HELZ2: variants seen among roughly 807,000 people sequenced by gnomAD.
HELZ2 encodes helicase with zinc finger 2.
In HELZ2, 143 loss-of-function variants were observed where a neutral mutation model predicts 208.8. The ratio of observed to expected loss-of-function variants is 0.68; its 90% CI spans 0.60 to 0.79. HELZ2 has a LOEUF of 0.79. Among genes scored for constraint, HELZ2 ranks in the 30% least tolerant of loss-of-function variants. The pLI, the probability that HELZ2 is intolerant of heterozygous loss-of-function variation, is 0.00. For synonymous variants in HELZ2, 1,705 were observed against 1,693.7 expected, an observed-to-expected ratio of 1.01 and a Z score of -0.16; for missense variants, 3,690 against 3,794.5, an observed-to-expected ratio of 0.97 and a Z score of 0.72.
chr20:63,569,453 C>G (rs373885048), exon 4 of HELZ2: 1 of 1,609,658 alleles, frequency 6.2e-7, no homozygotes, highest in East Asian at 2.2e-5. Context: ...GTAGCAGCAC[C>G]GGCCGGCGGC....
chr20:63,568,484 C>A (rs145394401), exon 5 of HELZ2: 123 of 1,589,504 alleles, frequency 7.7e-5, no homozygotes, highest in Admixed American at 9.1e-5. Context: ...GGGGACACGC[C>A]TCCCATCCCC....
Position 63,562,159 on chromosome 20 carries a change from C to T in HELZ2, c.6442G>A (p.Gly2148Arg), listed in dbSNP as rs373065768. ...CTGGGGTTCAGCTTGTGGCGGCCTC[C>T]GGGGATGTTGTAGGTCTGCCGCTCC... Residue 2148 changes from glycine (G) to arginine (R), a missense_variant, in exon 10 of 19, where the codon GGA (glycine) becomes AGA (arginine). Physicochemically the swap from Gly to Arg is moderately radical, Grantham distance 125. Transcript: ENST00000467148. 27 of 1,611,738 alleles carry T rather than the reference C, an allele frequency of 1.7e-5. No individual in the cohort carries two copies. Among genetic ancestry groups the T allele is most frequent in the Non-Finnish European group, 1.8e-5 (21 of 1,179,734 alleles).
chr20:63,568,993 G>T lies in HELZ2; in HGVS notation c.1095C>A (p.Thr365=), dbSNP rs766958871. 41 of 1,601,508 alleles carry T rather than the reference G, an allele frequency of 2.6e-5. 2 individuals are homozygous for T. The South Asian group carries it at 4.1e-4, about 16-fold the overall frequency. Residue 365 remains threonine, a synonymous_variant, in exon 5 of 19, where the codon ACC becomes ACA. Coordinates refer to ENST00000467148, the Ensembl canonical transcript of HELZ2. ...TCTTCAGGAACACCTGGCCCCGCAG[G>T]GTCAGCCTGGCAGGATGGCCTGGGT... is the stretch of plus-strand genomic sequence containing the variant.
In HELZ2 at chr20:63,565,247, A is replaced by C. The variant is rs201951872; in HGVS notation, c.3575T>G (p.Leu1192Arg). 112 of 1,607,836 alleles carry C rather than the reference A, an allele frequency of 7.0e-5. No homozygotes were observed. In the East Asian group the frequency reaches 2.4e-3, roughly 34 times the overall value. Residue 1192 changes from leucine to arginine, a missense_variant, in exon 8 of 19, where the codon CTG (leucine) becomes CGG (arginine). Transcript: ENST00000467148. ...GTGCCTCTTCCTCTTCAGCACGCCC[A>C]GCACGCGGCCCCGAAGCCGCCCCTC...
At chr20:63,572,446 C>T (rs1191856067) in exon 1 of HELZ2, 1 of 1,430,094 alleles carries the variant, frequency 7.0e-7, no homozygotes, top group Non-Finnish European at 9.2e-7. Context: ...GCTGCCCACG[C>T]CCCACAAACC....
Position 63,561,276 on chromosome 20 carries a change from T to G in HELZ2, c.6954-2A>C. On this transcript the variant is annotated splice_acceptor_variant, in intron 13 of 18. Coordinates refer to ENST00000467148, the Ensembl canonical transcript of HELZ2. LOFTEE classifies it high-confidence loss of function. The stretch of plus-strand genomic sequence containing the variant: ...GCCTCCCACAAGACCTTCTTGTACC[T>G]GCCGGGGACACTGCTTGTCACCCCA... 1 of 1,612,414 alleles carries G rather than the reference T, an allele frequency of 6.2e-7. No homozygotes were observed. Among genetic ancestry groups the G allele is most frequent in the Non-Finnish European group, 8.5e-7 (1 of 1,179,592 alleles).
Position 63,564,774 on chromosome 20 carries a change from C to T in HELZ2, c.4048G>A (p.Ala1350Thr), listed in dbSNP as rs376896320. ...CTGAGGGCATCATCGAGGTTGCAGG[C>T]GCCCTGGGGGTCCACAGTGAAGGTC... is the stretch of plus-strand genomic sequence containing the variant. Residue 1350 changes from alanine to threonine, a missense_variant, in exon 8 of 19, where the codon GCC becomes ACC. Ala to Thr is a moderately conservative substitution (Grantham distance 58). This residue lies in a region of HELZ2 where 2,564 missense variants were observed against 2,580.5 expected (regional missense o/e 0.99). Coordinates refer to ENST00000467148, the Ensembl canonical transcript of HELZ2. 143 of 1,611,878 alleles carry T rather than the reference C, an allele frequency of 8.9e-5. 1 individual carries two copies. The highest frequency in any genetic ancestry group is 4.3e-4 in the South Asian group (39 of 91,080).
chr20:63,572,666 G>C (rs1219784655), upstream of HELZ2: 1 of 433,888 alleles, frequency 2.3e-6, no homozygotes, highest in African/African-American at 2.1e-5. Context: ...GCCAAACTCC[G>C]TAAGGATGGC....
rs781057933 is a variant in HELZ2 at position 63,561,810 on chromosome 20, G to A, written c.6691+13C>T. ...CAGCTCCCCAAAGGCCCCCACCGCC[G>A]ACCCCGGCGCACCTGCCAGGACATC... On this transcript the variant is annotated intron_variant, in intron 11 of 18. Coordinates refer to ENST00000467148, the Ensembl canonical transcript of HELZ2. 13 of 1,553,756 alleles carry A rather than the reference G, an allele frequency of 8.4e-6. No homozygotes were observed. The highest frequency in any genetic ancestry group is 4.7e-5 in the South Asian group (4 of 85,022).
At chr20:63,562,812 T>A in exon 8 of HELZ2, 1 of 1,610,554 alleles carries the variant, frequency 6.2e-7, no homozygotes, top group Non-Finnish European at 8.5e-7. Flanking sequence ...TAGCAGCAGC[T>A]GAAGTTGATG....
At chr20:63,558,466 C>A (rs2082838565), downstream of HELZ2, 1 of 152,344 alleles carries the variant, frequency 6.6e-6, no homozygotes, top group South Asian at 2.1e-4. Flanking sequence ...GGGAGAAAGG[C>A]CCCCTCTCCC....
intron 18 of HELZ2, 48 bp from the exon 20 acceptor site, chr20:63,559,418 G>A (rs778139193): frequency 2.1e-6 from 3 of 1,455,066 alleles, no homozygotes; most frequent in Non-Finnish European, 2.8e-6. Flanking sequence ...CAGGTGGGAG[G>A]AGTCAGGGTC....
exon 8 of HELZ2, chr20:63,562,609 G>A (rs772154549): frequency 2.2e-5 from 35 of 1,595,628 alleles, no homozygotes; most frequent in Non-Finnish European, 1.3e-5. Context: ...TGCCCATGTG[G>A]TGGACGAAGA....
chr20:63,563,564 C>G, exon 8 of HELZ2: 1 of 1,522,548 alleles, frequency 6.6e-7, no homozygotes, highest in East Asian at 2.4e-5. Flanking sequence ...CAGCCGGAAG[C>G]AGCGGGAGCC....
chr20:63,561,302 G>A (rs1472955668), intron 13 of HELZ2, 28 bp from the exon 15 acceptor site: 2 of 1,612,330 alleles, frequency 1.2e-6, no homozygotes, highest in African/African-American at 2.7e-5. Context: ...TGTCACCCCA[G>A]GGCCCCCATG....
exon 15 of HELZ2, chr20:63,560,831 G>C: frequency 1.2e-6 from 2 of 1,613,064 alleles, no homozygotes; most frequent in Non-Finnish European, 1.7e-6. Flanking sequence ...GTGCGTCCTC[G>C]TGGTACCGCT....
Position 63,567,640 on chromosome 20 carries a change from G to A in HELZ2, c.1731-13C>T, listed in dbSNP as rs776337916. 44 of 1,595,678 alleles carry A rather than the reference G, an allele frequency of 2.8e-5. No individual in the cohort carries two copies. Among genetic ancestry groups the A allele is most frequent in the Non-Finnish European group, 3.7e-5 (43 of 1,173,720 alleles). ...GATGTCGGCGGCACTGCGGGAGGGG[G>A]AGGAGCTCATGGGCTTCTTGCTGGG... On this transcript the variant is annotated splice_polypyrimidine_tract_variant and intron_variant, in intron 5 of 18. Transcript: ENST00000467148.
exon 8 of HELZ2, chr20:63,565,881 C>G (rs765557360): frequency 6.3e-7 from 1 of 1,597,560 alleles, no homozygotes; most frequent in Admixed American, 1.7e-5. Flanking sequence ...AGGTCCCCTA[C>G]TGGCTCTGGG....
chr20:63,562,163 G>C (rs1413170790), exon 10 of HELZ2: 1 of 1,612,004 alleles, frequency 6.2e-7, no homozygotes, highest in East Asian at 2.2e-5. Flanking sequence ...GGCCTCCGGG[G>C]ATGTTGTAGG....
Sources: allele counts gnomAD v4.1 joint callset, GRCh38; gene constraint gnomAD v4.1.1; regional missense constraint gnomAD v4.1.1; transcripts MANE v1.5; gene names NCBI Gene and HGNC (gene_info 2026-07-23, HGNC 2026-07-21).